NHERF2: variants seen among roughly 807,000 people sequenced by gnomAD.
NHERF2 encodes the protein NHERF family PDZ scaffold protein 2.
the NHERF2 span, chr16:2,032,865 C>T: frequency 9.8e-7 from 1 of 1,015,888 alleles, no homozygotes; most frequent in Non-Finnish European, 1.2e-6. The surrounding 1 kb of genome is among the most constrained non-coding windows in gnomAD (Gnocchi z 4.0). Flanking sequence ...CTGCCCCCTG[C>T]CCCTAGCCCA....
chr16:2,036,489 G>T, the NHERF2 span: 1 of 1,592,524 alleles, frequency 6.3e-7, no homozygotes, highest in Admixed American at 1.7e-5. Context: ...CCGCGCCCAG[G>T]ACCGGCTCAT....
chr16:2,036,818 G>A, the NHERF2 span: 1 of 1,613,244 alleles, frequency 6.2e-7, no homozygotes, highest in Non-Finnish European at 8.5e-7. Context: ...GCTGGTCGTG[G>A]ACCCCGAGAC....
the NHERF2 span, chr16:2,027,051 C>A: frequency 2.2e-6 from 3 of 1,376,584 alleles, no homozygotes; most frequent in Non-Finnish European, 2.8e-6. Context: ...CCGCTTGGTG[C>A]GCGGAGAGCA....
At chr16:2,029,640 A>AG in the NHERF2 span, 1 of 1,577,056 alleles carries the variant, frequency 6.3e-7, no homozygotes, top group Non-Finnish European at 8.6e-7. Context: ...GTGGACCAGG[A>AG]GACAGATGAG....
the NHERF2 span, chr16:2,029,519 CACTGCCCATGT>C: frequency 4.3e-5 from 63 of 1,450,232 alleles, no homozygotes; most frequent in South Asian, 7.6e-4. Context: ...AGAGTGGTGC[CACTGCCCATGT>C]GCTGCCCGGA....
At chr16:2,032,912 G>C in the NHERF2 span, 3 of 1,057,476 alleles carry the variant, frequency 2.8e-6, no homozygotes, top group Non-Finnish European at 3.4e-6. This position sits in a 1 kb window ranked among gnomAD's most constrained non-coding sequence, Gnocchi z 4.0. Context: ...TGGGGGCTAA[G>C]AGCAGGTGTG....
chr16:2,032,583 C>A, the NHERF2 span, among the ~76,000 whole-genome samples: 1 of 152,194 alleles, frequency 6.6e-6, no homozygotes, highest in Non-Finnish European at 1.5e-5. The surrounding 1 kb of genome is among the most constrained non-coding windows in gnomAD (Gnocchi z 4.0). Context: ...ACTTTGGGTG[C>A]CCCCTGGGAG....
the NHERF2 span, among the ~76,000 whole-genome samples, chr16:2,032,121 GC>G: frequency 6.6e-6 from 1 of 151,528 alleles, no homozygotes; most frequent in East Asian, 1.9e-4. This position sits in a 1 kb window ranked among gnomAD's most constrained non-coding sequence, Gnocchi z 4.0. Flanking sequence ...CTGGGTTCAA[GC>G]AATTCTTATG....
the NHERF2 span, chr16:2,032,950 T>C: frequency 1.9e-6 from 2 of 1,078,196 alleles, no homozygotes; most frequent in Admixed American, 5.2e-5. The surrounding 1 kb of genome is among the most constrained non-coding windows in gnomAD (Gnocchi z 4.0). Context: ...GGGAGGCGGC[T>C]GTGTGGTTGG....
At chr16:2,037,093 T>C in the NHERF2 span, 2 of 1,418,630 alleles carry the variant, frequency 1.4e-6, no homozygotes, top group Non-Finnish European at 9.6e-7. Flanking sequence ...GTCCTCGAGG[T>C]GTGCTAGTGA....
the NHERF2 span, chr16:2,036,919 G>C: frequency 6.3e-7 from 1 of 1,583,410 alleles, no homozygotes; most frequent in Non-Finnish European, 8.6e-7. Flanking sequence ...GGTGCGGTGT[G>C]GTGGCTGAGC....
chr16:2,036,104 G>A, the NHERF2 span: 52 of 522,230 alleles, frequency 1.0e-4, 1 homozygote, highest in East Asian at 2.2e-4. Context: ...GGCTGGGCCC[G>A]TCGGGGAGGC....
At chr16:2,034,722 G>A in the NHERF2 span, among the ~76,000 whole-genome samples, 1 of 86,284 alleles carries the variant, frequency 1.2e-5, no homozygotes, top group East Asian at 3.0e-4. Context: ...CTCCCCTCCC[G>A]AACTGGGCTC....
the NHERF2 span, chr16:2,029,885 C>T: frequency 9.8e-7 from 1 of 1,022,214 alleles, no homozygotes; most frequent in Non-Finnish European, 1.4e-6. Flanking sequence ...AAGTCTTGGT[C>T]TCTTCTGCCT....
chr16:2,032,208 C>T, the NHERF2 span, among the ~76,000 whole-genome samples: 1 of 152,044 alleles, frequency 6.6e-6, no homozygotes, highest in Non-Finnish European at 1.5e-5. This position sits in a 1 kb window ranked among gnomAD's most constrained non-coding sequence, Gnocchi z 4.0. Context: ...TTGGTAGAGA[C>T]AGGGTTTCAC....
At chr16:2,030,948 CAAAA>C in the NHERF2 span, among the ~76,000 whole-genome samples, 2 of 151,816 alleles carry the variant, frequency 1.3e-5, no homozygotes, top group African/African-American at 2.4e-5. Context: ...CAAAAAAAAA[CAAAA>C]AAAGGAAAAG....
At chr16:2,038,295 G>C in the NHERF2 span, 2 of 541,390 alleles carry the variant, frequency 3.7e-6, no homozygotes, top group East Asian at 7.5e-5. Context: ...CGGGGCGAGG[G>C]CCTTTGCTGC....
At chr16:2,033,548 A>G in the NHERF2 span, 1 of 1,120,148 alleles carries the variant, frequency 8.9e-7, no homozygotes. Context: ...GCTGAGCAAC[A>G]ATGAAGGCCT....
At chr16:2,028,971 C>G in the NHERF2 span, among the ~76,000 whole-genome samples, 1 of 152,120 alleles carries the variant, frequency 6.6e-6, no homozygotes, top group African/African-American at 2.4e-5. Flanking sequence ...TGTGGGTGCC[C>G]GAGCCAGGAG....
Sources: gnomAD v4.1 joint callset for allele counts (sites outside exome capture counted in the v4.1 genomes callset) on GRCh38, gnomAD v4.1.1 for gene constraint, Gnocchi (gnomAD v3.1) non-coding constraint, MANE v1.5 for transcripts, NCBI Gene and HGNC (gene_info 2026-07-23, HGNC 2026-07-21) for gene names.